Variants in YTHDC1 observed in about 807,000 individuals in gnomAD.
The protein encoded by YTHDC1 is YTH N6-methyladenosine RNA binding protein C1, also known as YTH domain-containing protein 1.
Under a neutral mutation model 107.0 loss-of-function variants are expected in YTHDC1, and 12 were observed. The ratio of observed to expected loss-of-function variants is 0.11; its 90% CI spans 0.07 to 0.18. The LOEUF (loss-of-function observed/expected upper bound fraction) is 0.18. Ranked by LOEUF, YTHDC1 falls within the 10% of genes least tolerant of loss-of-function variation. The pLI, the probability that YTHDC1 is intolerant of heterozygous loss-of-function variation, is 1.00. For missense variants in YTHDC1, 635 were observed against 898.8 expected, an observed-to-expected ratio of 0.71 and a Z score of 3.75; for synonymous variants, 280 against 289.5, an observed-to-expected ratio of 0.97 and a Z score of 0.33.
chr4:68,318,893 A>G (rs747615120), intron 12 of YTHDC1, 31 bp from the exon 13 acceptor site: 1 of 1,611,196 alleles, frequency 6.2e-7, no homozygotes, highest in Non-Finnish European at 8.5e-7. Context: ...TTAGTAAATC[A>G]AATTTATATT....
At chr4:68,343,736 C>T (rs1035120572) in intron 1 of YTHDC1, among the ~76,000 whole-genome samples, 2 of 151,156 alleles carry the variant, frequency 1.3e-5, no homozygotes, top group South Asian at 4.2e-4. Flanking sequence ...AGTGGTTTTG[C>T]CATGTTGGCC....
chr4:68,312,799 T>TA lies in YTHDC1; in HGVS notation c.*1299dup. ...CAAACATTCAAATATTCCTAATGTTTATAAAGGCCAAATTCCAAAGGCCAA... is the reference window on the plus strand; with the variant it reads ...CAAACATTCAAATATTCCTAATGTTTAATAAAGGCCAAATTCCAAAGGCCAA... On this transcript the variant is annotated 3_prime_UTR_variant, in exon 17 of 17. Transcript: ENST00000344157. 1 of 152,342 alleles carries TA rather than the reference T, an allele frequency of 6.6e-6. No homozygotes were observed. The highest frequency in any genetic ancestry group is 3.4e-3 in the Middle Eastern group (1 of 294). The allele number at this position is 152,342 out of a possible 1,614,324, so 9.4% of individuals were successfully genotyped here.
chr4:68,330,849 T>G (rs770223141), intron 7 of YTHDC1, among the ~76,000 whole-genome samples: 34 of 152,156 alleles, frequency 2.2e-4, no homozygotes, highest in Non-Finnish European at 3.1e-4. Context: ...CTGGAAGATA[T>G]TTGTTAATTT....
At position 68,322,001 on chromosome 4, in the gene YTHDC1, C is replaced by T. The variant is rs1170732762; in HGVS notation, c.1601+748G>A. Among the ~76,000 whole-genome samples the T allele has an allele frequency of 6.6e-6, 1 of 152,164 alleles. No individual in the cohort carries two copies. The highest frequency in any genetic ancestry group is 2.4e-5 in the African/African-American group (1 of 41,444). ...AACCATGGCGATCCTCTAAAAAACA[C>T]TTTTAAGTCCACAGGTACTGCCAGC... On this transcript the variant is annotated intron_variant, in intron 11 of 16. Transcript: ENST00000344157. The surrounding 1 kb of genome is among the most constrained non-coding windows in gnomAD (Gnocchi z 4.8).
At position 68,313,438 on chromosome 4, in the gene YTHDC1, G is replaced by A. The variant is rs1000245662; in HGVS notation, c.*661C>T. 4 of 152,662 alleles carry A rather than the reference G, an allele frequency of 2.6e-5. No homozygotes were observed. Among genetic ancestry groups the A allele is most frequent in the Non-Finnish European group, 4.4e-5 (3 of 68,090 alleles). The allele number at this position is 152,662 out of a possible 1,614,324, so 9.5% of individuals were successfully genotyped here. A position where few individuals can be genotyped will look rare whatever the true frequency, so the allele number is the denominator to read the frequency against. On this transcript the variant is annotated 3_prime_UTR_variant, in exon 17 of 17. Transcript: ENST00000344157. ...ATTCCAAGCCAATGTATACAATTTG[G>A]AGGGGAAGGCTAAACAATAGCATCA...
At chr4:68,314,410 A>T in intron 16 of YTHDC1, 87 bp from the exon 17 acceptor site, 1 of 1,129,094 alleles carries the variant, frequency 8.9e-7, no homozygotes, top group African/African-American at 1.6e-5. Context: ...ATTTATATAA[A>T]CAATTTTAAA....
chr4:68,332,273 A>G, intron 6 of YTHDC1, 76 bp from the exon 7 acceptor site: 1 of 931,530 alleles, frequency 1.1e-6, no homozygotes, highest in Non-Finnish European at 1.6e-6. Flanking sequence ...TACTAACTGA[A>G]ATTAGCCCTC....
intron 1 of YTHDC1, among the ~76,000 whole-genome samples, chr4:68,339,981 A>C (rs371000401): frequency 6.8e-4 from 103 of 152,314 alleles, no homozygotes; most frequent in Non-Finnish European, 1.3e-3. Flanking sequence ...GTAAATGTTT[A>C]AACATTAACT....
chr4:68,342,887 T>C (rs963017780), intron 1 of YTHDC1, among the ~76,000 whole-genome samples: 28 of 64,250 alleles, frequency 4.4e-4, no homozygotes, highest in Non-Finnish European at 7.6e-4. Flanking sequence ...CCACTAGTTC[T>C]AGGTTGACTT....
intron 1 of YTHDC1, among the ~76,000 whole-genome samples, chr4:68,343,421 C>G (rs982231519): frequency 1.3e-5 from 2 of 150,448 alleles, no homozygotes; most frequent in Non-Finnish European, 2.9e-5. Context: ...AGGCTGTTCT[C>G]GAACTCCTGA....
Position 68,332,820 on chromosome 4 carries a change from G to A in YTHDC1, c.1001C>T (p.Ser334Leu), listed in dbSNP as rs746627529. 2.5e-6 allele frequency: 4 copies of A among 1,613,290 alleles called. No homozygotes were observed. The South Asian group carries it at 4.4e-5, about 18-fold the overall frequency. The part of the protein sequence containing the change: ...AGSEKKHEKL[S>L]SSVRAVRKDQ... ...TTTTCGGACAGCACGAACGGAAGAT[G>A]ATAATTTCTCATGCTTCTTTTCTGA... is the stretch of plus-strand genomic sequence containing the variant. The change falls in exon 6 of 17, where the codon TCA (serine) becomes TTA (leucine). Residue 334 changes from serine to leucine, a missense_variant. Transcript: ENST00000344157.
chr4:68,335,410 C>T (rs543417768), intron 4 of YTHDC1, among the ~76,000 whole-genome samples: 12 of 152,080 alleles, frequency 7.9e-5, no homozygotes, highest in African/African-American at 2.9e-4. Flanking sequence ...AGTCTAGTAA[C>T]AGAGTTTTGA....
At chr4:68,325,669 C>T (rs1722917479) in intron 9 of YTHDC1, among the ~76,000 whole-genome samples, 1 of 152,134 alleles carries the variant, frequency 6.6e-6, no homozygotes, top group Admixed American at 6.5e-5. Context: ...AGCTGTGAGC[C>T]ACCACACCTG....
chr4:68,333,758 A>G (rs1009643888), intron 4 of YTHDC1, among the ~76,000 whole-genome samples: 3 of 152,080 alleles, frequency 2.0e-5, no homozygotes, highest in Non-Finnish European at 4.4e-5. Flanking sequence ...ACCAGGTAAC[A>G]CTGTCTTAAG....
At chr4:68,349,656 G>A in intron 1 of YTHDC1, 70 bp downstream of exon 1, 1 of 1,283,674 alleles carries the variant, frequency 7.8e-7, no homozygotes, top group Non-Finnish European at 1.0e-6. Context: ...CCCCAACGAC[G>A]ACCACTGCTC....
At chr4:68,320,258 A>C in intron 11 of YTHDC1, 53 bp from the exon 12 acceptor site, 1 of 1,344,856 alleles carries the variant, frequency 7.4e-7, no homozygotes, top group Non-Finnish European at 1.0e-6. Context: ...GGGAGAACAA[A>C]GAGTAAAGCA....
chr4:68,340,702 T>A (rs565569199), intron 1 of YTHDC1, among the ~76,000 whole-genome samples: 41 of 151,978 alleles, frequency 2.7e-4, no homozygotes, highest in African/African-American at 9.2e-4. Context: ...AAAGAAAAAA[T>A]TTCAAGACTA....
intron 9 of YTHDC1, among the ~76,000 whole-genome samples, chr4:68,325,141 A>G (rs1360678087): frequency 6.6e-6 from 1 of 152,234 alleles, no homozygotes; most frequent in Non-Finnish European, 1.5e-5. Context: ...GAAACTGTTC[A>G]GCCAAAGTAC....
At chr4:68,341,202 T>C (rs537649519) in intron 1 of YTHDC1, among the ~76,000 whole-genome samples, 9 of 152,278 alleles carry the variant, frequency 5.9e-5, no homozygotes, top group Non-Finnish European at 1.2e-4. Context: ...AAATGGATAT[T>C]AGTATGAAGT....
Sources: gnomAD v4.1 joint callset for allele counts (sites outside exome capture counted in the v4.1 genomes callset) on GRCh38, gnomAD v4.1.1 for gene constraint, Gnocchi (gnomAD v3.1) non-coding constraint, MANE v1.5 for transcripts, NCBI Gene and HGNC (gene_info 2026-07-23, HGNC 2026-07-21) for gene names.